The following SYNE1 variants were observed in gnomAD, a reference collection of about 807,000 sequenced individuals.
SYNE1 encodes spectrin repeat containing nuclear envelope protein 1.
In SYNE1, 616 loss-of-function variants were observed where a neutral mutation model predicts 1,111.0. The ratio of observed to expected loss-of-function variants is 0.55; its 90% confidence interval spans 0.52 to 0.59. SYNE1 has a LOEUF of 0.59. SYNE1 is among the 20% of genes least tolerant of loss of function. SYNE1 has a pLI of 0.00. For missense variants in SYNE1, 10,006 were observed against 10,417.0 expected, an observed-to-expected ratio of 0.96 and a Z score of 1.72; for synonymous variants, 3,855 against 3,825.8, an observed-to-expected ratio of 1.01 and a Z score of -0.28.
At chr6:152,310,044 A>T (rs1191105299) in intron 89 of SYNE1, 27 bp from the exon 90 acceptor site, 2 of 1,603,036 alleles carry the variant, frequency 1.2e-6, no homozygotes, top group Admixed American at 3.4e-5. Context: ...ATAGTTCAAA[A>T]ATTTAATATT....
chr6:152,605,531 C>G (rs2099612458), intron 3 of SYNE1, among the ~76,000 whole-genome samples: 1 of 152,092 alleles, frequency 6.6e-6, no homozygotes, highest in Non-Finnish European at 1.5e-5. Context: ...TATAAAAGTT[C>G]ACATTAATAT....
chr6:152,370,416 G>C (rs992119467), intron 59 of SYNE1, among the ~76,000 whole-genome samples: 1 of 152,134 alleles, frequency 6.6e-6, no homozygotes, highest in African/African-American at 2.4e-5. Flanking sequence ...ACAAGAAGTA[G>C]CATATCCATG....
At chr6:152,257,142 A>G in intron 101 of SYNE1, among the ~76,000 whole-genome samples, 1 of 152,240 alleles carries the variant, frequency 6.6e-6, no homozygotes, top group Non-Finnish European at 1.5e-5. Context: ...TGAGATGATG[A>G]GTCTGCTAAT....
In SYNE1 at chr6:152,628,513, T is replaced by A; in HGVS notation, c.-182A>T. The A allele has an allele frequency of 1.5e-6, 1 of 651,640 alleles. No individual in the cohort carries two copies. Among genetic ancestry groups the A allele is most frequent in the South Asian group, 1.7e-5 (1 of 58,552 alleles). The allele number at this position is 651,640 out of a possible 1,614,324, so 40.4% of individuals were successfully genotyped here. ...CCAAAGACTGAACTGCTTCTTTTTC[T>A]TCTTCCGTTTTAAGACTGTCCTCTT... On this transcript the variant is annotated 5_prime_UTR_variant, in exon 3 of 146. The change creates a new upstream start codon in the 5' untranslated region. Transcript: ENST00000367255.
At chr6:152,286,608 G>A (rs1395529008) in intron 95 of SYNE1, among the ~76,000 whole-genome samples, 1 of 152,080 alleles carries the variant, frequency 6.6e-6, no homozygotes, top group Non-Finnish European at 1.5e-5. Flanking sequence ...TGTCTTTTGT[G>A]ACTGCCTGCT....
intron 53 of SYNE1, 96 bp downstream of exon 53, chr6:152,390,184 C>T: frequency 7.3e-7 from 1 of 1,361,318 alleles, no homozygotes; most frequent in Non-Finnish European, 1.0e-6. Flanking sequence ...CAGTAAAATG[C>T]TTGGGAATTC....
At chr6:152,595,763 A>G (rs941700521) in intron 3 of SYNE1, among the ~76,000 whole-genome samples, 4 of 152,154 alleles carry the variant, frequency 2.6e-5, no homozygotes, top group Non-Finnish European at 5.9e-5. Flanking sequence ...CAGCCAATCT[A>G]GAGTTTAGGC....
intron 55 of SYNE1, among the ~76,000 whole-genome samples, chr6:152,382,615 A>G (rs2097441024): frequency 6.6e-6 from 1 of 152,188 alleles, no homozygotes; most frequent in African/African-American, 2.4e-5. Context: ...CAGGATTCTA[A>G]AAACCATCAC....
intron 98 of SYNE1, among the ~76,000 whole-genome samples, chr6:152,276,948 G>A (rs1275257351): frequency 1.4e-5 from 2 of 146,442 alleles, no homozygotes; most frequent in Non-Finnish European, 3.0e-5. Context: ...GCAGTGGTGC[G>A]ATCTCAGCTC....
At chr6:152,342,904 G>GT (rs2096560152) in intron 74 of SYNE1, among the ~76,000 whole-genome samples, 1 of 152,020 alleles carries the variant, frequency 6.6e-6, no homozygotes, top group African/African-American at 2.4e-5. Flanking sequence ...GAAGCACCTT[G>GT]TTTTTGCCCC....
At position 152,361,109 on chromosome 6, in the gene SYNE1, G is replaced by T. The variant is rs183981345; in HGVS notation, c.10299+1061C>A. On this transcript the variant is annotated intron_variant, in intron 64 of 145. Transcript: ENST00000367255. The stretch of plus-strand genomic sequence containing the variant: ...AGAAAGATAAGTAGGAGGTTGCCAG[G>T]GGCAGAGACAGAGCAAGGACCTTCT... 2.0e-5 allele frequency among the ~76,000 whole-genome samples: 3 copies of T among 152,308 alleles called. No individual in the cohort carries two copies. The East Asian group carries it at 5.8e-4, about 29-fold the overall frequency.
intron 50 of SYNE1, 116 bp downstream of exon 50, chr6:152,396,659 T>C (rs2097736172): frequency 9.7e-7 from 1 of 1,026,140 alleles, no homozygotes; most frequent in African/African-American, 1.6e-5. Flanking sequence ...CAAAGCTTAT[T>C]ATAATTTAAA....
At chr6:152,268,211 A>C in intron 99 of SYNE1, 46 bp from the exon 100 acceptor site, 1 of 1,443,634 alleles carries the variant, frequency 6.9e-7, no homozygotes, top group Non-Finnish European at 9.8e-7. Context: ...CTACTTTATG[A>C]TTATTGCCTA....
intron 145 of SYNE1, chr6:152,125,285 AAAG>A: frequency 6.4e-7 from 1 of 1,550,478 alleles, no homozygotes; most frequent in African/African-American, 1.4e-5. Flanking sequence ...ATGTAGAAGC[AAAG>A]AAGAGAATCC....
chr6:152,364,783 T>C, intron 63 of SYNE1, 64 bp downstream of exon 63: 1 of 1,604,220 alleles, frequency 6.2e-7, no homozygotes, highest in Admixed American at 1.7e-5. Flanking sequence ...AATGGTCTGT[T>C]CAGTAGTATT....
intron 97 of SYNE1, among the ~76,000 whole-genome samples, chr6:152,278,531 T>C (rs771705892): frequency 7.9e-5 from 12 of 152,056 alleles, no homozygotes; most frequent in Non-Finnish European, 2.9e-5. Context: ...GGAGCGATCT[T>C]GACTCACTGC....
Position 152,574,407 on chromosome 6 carries a change from G to A in SYNE1, c.68-34386C>T, listed in dbSNP as rs372021026. ...AACCCTGTGTAATTACCTCCTCTTTGCTCTTGTTCTTGCCTTTCCTTTCTG... is the reference window on the plus strand; with the variant it reads ...AACCCTGTGTAATTACCTCCTCTTTACTCTTGTTCTTGCCTTTCCTTTCTG... On this transcript the variant is annotated intron_variant, in intron 3 of 145. Transcript: ENST00000367255. Among the ~76,000 whole-genome samples, 72 of 152,104 alleles carry A rather than the reference G, an allele frequency of 4.7e-4. 2 individuals are homozygous for A. The highest frequency in any genetic ancestry group is 1.4e-3 in the African/African-American group (60 of 41,504).
chr6:152,476,282 G>A (rs1015003601), intron 14 of SYNE1, among the ~76,000 whole-genome samples: 3 of 152,114 alleles, frequency 2.0e-5, no homozygotes, highest in African/African-American at 7.2e-5. Flanking sequence ...TCCCAAAGCC[G>A]CTTCATTGTC....
chr6:152,538,403 C>T (rs904592034), intron 4 of SYNE1, among the ~76,000 whole-genome samples: 10 of 152,130 alleles, frequency 6.6e-5, no homozygotes, highest in Admixed American at 2.0e-4. Flanking sequence ...CATGGATTGA[C>T]GTGTTGGGTG....
Sources: gnomAD v4.1 joint callset for allele counts (sites outside exome capture counted in the v4.1 genomes callset) on GRCh38, gnomAD v4.1.1 for gene constraint, MANE v1.5 for transcripts, NCBI Gene and HGNC (gene_info 2026-07-23, HGNC 2026-07-21) for gene names.